RANBP2: variants seen among roughly 807,000 people sequenced by gnomAD.
RANBP2 encodes E3 SUMO-protein ligase RanBP2.
In RANBP2, 57 loss-of-function variants were observed where a neutral mutation model predicts 303.6. The ratio of observed to expected loss-of-function variants is 0.19; its 90% confidence interval spans 0.15 to 0.23. The LOEUF (loss-of-function observed/expected upper bound fraction) is 0.23. RANBP2 is among the 10% of genes least tolerant of loss of function. The pLI is 1.00. For synonymous variants in RANBP2, 1,167 were observed against 1,301.5 expected, an observed-to-expected ratio of 0.90 and a Z score of 2.23; for missense variants, 3,138 against 3,780.8, an observed-to-expected ratio of 0.83 and a Z score of 4.46.
the RANBP2 span, among the ~76,000 whole-genome samples, chr2:109,252,704 T>C: frequency 5.3e-5 from 8 of 152,228 alleles, no homozygotes; most frequent in Non-Finnish European, 1.2e-4. Flanking sequence ...TTAAATGTAC[T>C]CAGAACAATA....
At chr2:109,498,918 G>GCAC in the RANBP2 span, among the ~76,000 whole-genome samples, 1 of 152,206 alleles carries the variant, frequency 6.6e-6, no homozygotes, top group East Asian at 1.9e-4. Flanking sequence ...TGAGGTGGGT[G>GCAC]CACCTGGGGT....
chr2:108,885,352 T>C, the RANBP2 span: 2 of 152,222 alleles, frequency 1.3e-5, no homozygotes, highest in African/African-American at 4.8e-5. Context: ...AGCATGTGCA[T>C]CCAAATTTGA....
the RANBP2 span, among the ~76,000 whole-genome samples, chr2:109,321,171 C>G: frequency 6.6e-6 from 1 of 152,262 alleles, no homozygotes; most frequent in Non-Finnish European, 1.5e-5. Context: ...TCAAACGCTT[C>G]TTTGCAGCTC....
the RANBP2 span, among the ~76,000 whole-genome samples, chr2:109,104,240 G>C: frequency 1.3e-5 from 2 of 152,152 alleles, no homozygotes; most frequent in Admixed American, 1.3e-4. Context: ...CCACAGTCAT[G>C]CTGGAATTCA....
At chr2:109,663,508 T>C in the RANBP2 span, among the ~76,000 whole-genome samples, 1 of 152,202 alleles carries the variant, frequency 6.6e-6, no homozygotes, top group Non-Finnish European at 1.5e-5. Flanking sequence ...ATACCCAATG[T>C]TGAGTTGTGC....
At chr2:108,854,953 C>T in the RANBP2 span, among the ~76,000 whole-genome samples, 1 of 152,166 alleles carries the variant, frequency 6.6e-6, no homozygotes, top group Middle Eastern at 3.4e-3. Flanking sequence ...TAATGGAAAA[C>T]CATATTTCAT....
chr2:108,938,571 A>T, the RANBP2 span, among the ~76,000 whole-genome samples: 3 of 152,164 alleles, frequency 2.0e-5, no homozygotes, highest in Non-Finnish European at 4.4e-5. Context: ...TGCTGTAAAG[A>T]TATGTGTTCA....
the RANBP2 span, among the ~76,000 whole-genome samples, chr2:109,117,826 C>T: frequency 1.6e-4 from 24 of 152,326 alleles, no homozygotes; most frequent in African/African-American, 4.8e-4. Context: ...GTAATATTTT[C>T]GATCCTGTGT....
chr2:109,398,218 C>T, the RANBP2 span, among the ~76,000 whole-genome samples: 1 of 152,218 alleles, frequency 6.6e-6, no homozygotes, highest in African/African-American at 2.4e-5. Context: ...GGCCAGCCCA[C>T]GTCTTCTGAT....
chr2:109,685,575 G>A, the RANBP2 span, among the ~76,000 whole-genome samples: 1 of 152,238 alleles, frequency 6.6e-6, no homozygotes, highest in African/African-American at 2.4e-5. Context: ...GTGGAAGGCT[G>A]TGATAGGAGC....
the RANBP2 span, among the ~76,000 whole-genome samples, chr2:109,529,802 C>T: frequency 5.3e-5 from 8 of 152,260 alleles, no homozygotes; most frequent in South Asian, 2.1e-4. Context: ...TGTGGAGCCC[C>T]TTCCCAGGGC....
At chr2:108,976,617 G>A in the RANBP2 span, among the ~76,000 whole-genome samples, 1 of 152,202 alleles carries the variant, frequency 6.6e-6, no homozygotes, top group Admixed American at 6.5e-5. Context: ...CCTCTTCTCT[G>A]TTATGTATTT....
At chr2:109,636,767 G>A in the RANBP2 span, among the ~76,000 whole-genome samples, 258 of 152,092 alleles carry the variant, frequency 1.7e-3, no homozygotes, top group African/African-American at 6.0e-3. Context: ...ATGAAACCCC[G>A]TCACTACCAA....
the RANBP2 span, among the ~76,000 whole-genome samples, chr2:109,024,616 G>A: frequency 6.6e-6 from 1 of 152,152 alleles, no homozygotes; most frequent in Non-Finnish European, 1.5e-5. Context: ...GCTGGAGACA[G>A]GCATGTCCAC....
the RANBP2 span, among the ~76,000 whole-genome samples, chr2:109,099,179 C>T: frequency 9.2e-5 from 14 of 152,100 alleles, no homozygotes; most frequent in African/African-American, 2.4e-4. Context: ...CAAGGTGGGG[C>T]GTGTGCATAG....
At chr2:109,670,993 G>T in the RANBP2 span, among the ~76,000 whole-genome samples, 2,022 of 152,320 alleles carry the variant, frequency 0.013, 16 homozygotes, top group South Asian at 0.021. Flanking sequence ...GCCAGCTTGG[G>T]CCAAAAGGAG....
At chr2:109,105,464 G>A in the RANBP2 span, among the ~76,000 whole-genome samples, 1 of 152,202 alleles carries the variant, frequency 6.6e-6, no homozygotes, top group African/African-American at 2.4e-5. Context: ...GTTGAGGGCC[G>A]AACAGCACAC....
the RANBP2 span, among the ~76,000 whole-genome samples, chr2:109,349,265 A>G: frequency 1.2e-4 from 19 of 152,280 alleles, no homozygotes; most frequent in Admixed American, 3.3e-4. Flanking sequence ...GTCTTGTTCT[A>G]TTGTTCAGCC....
chr2:109,163,968 T>C, the RANBP2 span, among the ~76,000 whole-genome samples: 1 of 152,206 alleles, frequency 6.6e-6, no homozygotes, highest in Non-Finnish European at 1.5e-5. Context: ...TGCTTCTTGA[T>C]GTCCTTCCCT....
Sources: allele counts gnomAD v4.1 joint callset (sites outside exome capture counted in the v4.1 genomes callset), GRCh38; gene constraint gnomAD v4.1.1; transcripts MANE v1.5; gene names NCBI Gene and HGNC (gene_info 2026-07-23, HGNC 2026-07-21).